The following ESYT2 variants were observed in gnomAD, a reference collection of about 807,000 sequenced individuals.
ESYT2 encodes extended synaptotagmin 2.
A neutral mutation model predicts 107.2 loss-of-function variants in ESYT2; 54 were observed. That is an observed-to-expected ratio of 0.50 (90% confidence interval 0.40 to 0.63). The LOEUF is 0.63. Ranked by LOEUF, ESYT2 falls within the 30% of genes least tolerant of loss-of-function variation. ESYT2 has a pLI of 0.00. For synonymous variants in ESYT2, 491 were observed against 434.1 expected (o/e 1.13, Z -1.63); for missense variants, 1,020 against 1,094.5 (o/e 0.93, Z 0.96).
At position 158,829,401 on chromosome 7, in the gene ESYT2, G is replaced by A; in HGVS notation, c.18C>T (p.Gly6=). The change falls in exon 1 of 23, where the codon GGC becomes GGT. Residue 6 remains glycine, a synonymous_variant. Transcript: ENST00000275418. ...CGCCGGCGCCCGCCTCCGGGCCCTC[G>A]CCCCGGGCGCCGCTCATCGCCCCGC... MSGAR[G]EGPEAGAGGA... is the part of the protein sequence containing the mutation. The A allele has an allele frequency of 2.5e-6, 3 of 1,202,880 alleles. No individual in the cohort carries two copies. The highest frequency in any genetic ancestry group is 3.1e-6 in the Non-Finnish European group (3 of 975,100). The allele number at this position is 1,202,880 out of a possible 1,614,324, so 74.5% of individuals were successfully genotyped here. A position where few individuals can be genotyped will look rare whatever the true frequency, so the allele number is the denominator to read the frequency against.
In ESYT2 at chr7:158,799,031, C is replaced by T; in HGVS notation, c.372G>A (p.Lys124=). The T allele has an allele frequency of 6.2e-7, 1 of 1,613,306 alleles. No homozygotes were observed. The highest frequency in any genetic ancestry group is 8.5e-7 in the Non-Finnish European group (1 of 1,179,380). ...PDTERAEWLN[K]TVKHMWPFIC... is the part of the protein sequence containing the mutation. Reference sequence around the variant, plus strand: ...GGTAGTTGGTATACTCTAATCTTACCTTATTTAGCCATTCTGCTCTTTCAG... The same window carrying T: ...GGTAGTTGGTATACTCTAATCTTACTTTATTTAGCCATTCTGCTCTTTCAG... Residue 124 remains lysine, a splice_region_variant and synonymous_variant, in exon 2 of 23, where the codon AAG becomes AAA. Coordinates refer to ENST00000275418, the MANE Select transcript of ESYT2 (RefSeq NM_001367773.1).
At chr7:158,814,458 C>T (rs1035515897) in intron 1 of ESYT2, among the ~76,000 whole-genome samples, 1 of 151,438 alleles carries the variant, frequency 6.6e-6, no homozygotes. Context: ...TAAAAATATA[C>T]ATTACTCGTC....
intron 1 of ESYT2, among the ~76,000 whole-genome samples, chr7:158,799,970 A>G (rs1412534046): frequency 1.3e-5 from 2 of 152,338 alleles, no homozygotes; most frequent in Admixed American, 6.5e-5. Context: ...CTATGCGTTT[A>G]TAAGCATGTA....
intron 12 of ESYT2, 85 bp downstream of exon 12, chr7:158,759,973 A>C: frequency 8.3e-7 from 1 of 1,206,624 alleles, no homozygotes; most frequent in Non-Finnish European, 1.2e-6. Flanking sequence ...TTAAAAAATC[A>C]AGTAGCAACA....
At chr7:158,798,575 G>T (rs1299401741) in intron 2 of ESYT2, among the ~76,000 whole-genome samples, 1 of 143,532 alleles carries the variant, frequency 7.0e-6, no homozygotes, top group East Asian at 2.1e-4. Context: ...GAACCCAAGA[G>T]GTGGAGGTTG....
chr7:158,743,516 G>GACGACACGAC lies in ESYT2; in HGVS notation c.1794+12_1794+13insGTCGTGTCGT. ...CCATCCCCTATGGTGTTCACTGCAGGACGACACGATACCCGCAGGGCAATC... is the reference window on the plus strand; with the variant it reads ...CCATCCCCTATGGTGTTCACTGCAGGACGACACGACACGACACGATACCCGCAGGGCAATC... On this transcript the variant is annotated intron_variant, in intron 17 of 22. Transcript: ENST00000275418. The GACGACACGAC allele has an allele frequency of 6.2e-7, 1 of 1,606,246 alleles. No homozygotes were observed. The highest frequency in any genetic ancestry group is 8.5e-7 in the Non-Finnish European group (1 of 1,177,458).
At chr7:158,815,953 CAG>C (rs1284517266) in intron 1 of ESYT2, among the ~76,000 whole-genome samples, 1 of 152,124 alleles carries the variant, frequency 6.6e-6, no homozygotes, top group Middle Eastern at 3.2e-3. Flanking sequence ...CTCCAAGAAA[CAG>C]GGTAGTGTGG....
At chr7:158,748,776 G>A (rs1837489488) in intron 15 of ESYT2, among the ~76,000 whole-genome samples, 1 of 151,306 alleles carries the variant, frequency 6.6e-6, no homozygotes, top group Admixed American at 6.6e-5. Context: ...CTGGAGTGCA[G>A]TGGCGCAATC....
In ESYT2 at chr7:158,788,378, T is replaced by C. The variant is rs775535138; in HGVS notation, c.624A>G (p.Arg208=). ...GNCEIDLEIK[R]YFCRAGVKSI... Reference sequence around the variant, plus strand: ...TTTTCACACCAGCTCTACAAAAATATCGTTTGATCTCCAAATCAATCTCAC... The same window carrying C: ...TTTTCACACCAGCTCTACAAAAATACCGTTTGATCTCCAAATCAATCTCAC... Residue 208 remains arginine, a synonymous_variant, in exon 5 of 23, where the codon CGA becomes CGG. Coordinates refer to ENST00000275418, the MANE Select transcript of ESYT2 (RefSeq NM_001367773.1). 1.2e-6 allele frequency: 2 copies of C among 1,611,584 alleles called. No homozygotes were observed. Among genetic ancestry groups the C allele is most frequent in the Admixed American group, 1.7e-5 (1 of 59,506 alleles).
chr7:158,743,852 C>T (rs1387676111), intron 16 of ESYT2, 174 bp from the exon 17 acceptor site: 3 of 610,388 alleles, frequency 4.9e-6, no homozygotes, highest in Non-Finnish European at 2.6e-6. Flanking sequence ...AGGCTCAGAT[C>T]ACCTGAGGCC....
chr7:158,785,510 GA>G (rs1839081305), intron 6 of ESYT2, among the ~76,000 whole-genome samples: 1 of 152,140 alleles, frequency 6.6e-6, no homozygotes, highest in South Asian at 2.1e-4. Context: ...ACATGTAGGA[GA>G]AATATTTAAT....
chr7:158,790,329 C>CT (rs986221806), intron 4 of ESYT2, among the ~76,000 whole-genome samples: 6 of 152,182 alleles, frequency 3.9e-5, no homozygotes, highest in Non-Finnish European at 7.3e-5. Context: ...GCACACAACT[C>CT]TGAGTTGCTA....
chr7:158,765,398 G>A (rs1261089534), intron 8 of ESYT2, among the ~76,000 whole-genome samples: 3 of 152,162 alleles, frequency 2.0e-5, no homozygotes, highest in Non-Finnish European at 4.4e-5. Context: ...TTTTAGAGAG[G>A]AGAAAACTGC....
chr7:158,754,050 G>A (rs1837671346), intron 13 of ESYT2, among the ~76,000 whole-genome samples: 1 of 152,184 alleles, frequency 6.6e-6, no homozygotes, highest in Non-Finnish European at 1.5e-5. Flanking sequence ...GTAGTGGACA[G>A]CTGTGTGGCT....
chr7:158,745,558 T>C (rs564577658), intron 16 of ESYT2, among the ~76,000 whole-genome samples: 4 of 152,018 alleles, frequency 2.6e-5, no homozygotes, highest in African/African-American at 9.7e-5. Flanking sequence ...AGCCTACAGG[T>C]GCACGTGGAG....
intron 6 of ESYT2, among the ~76,000 whole-genome samples, chr7:158,785,907 T>C (rs907722659): frequency 2.6e-5 from 4 of 152,080 alleles, no homozygotes; most frequent in African/African-American, 7.2e-5. Context: ...ATCATCCAAA[T>C]AGTAGAAAGA....
At chr7:158,793,902 C>A (rs1222198814) in intron 3 of ESYT2, among the ~76,000 whole-genome samples, 176 bp from the exon 4 acceptor site, 2 of 152,186 alleles carry the variant, frequency 1.3e-5, no homozygotes, top group Non-Finnish European at 2.9e-5. Flanking sequence ...ACCTGTTCCT[C>A]ACCTTCCTCC....
At chr7:158,805,664 C>G (rs1839804253) in intron 1 of ESYT2, among the ~76,000 whole-genome samples, 1 of 152,130 alleles carries the variant, frequency 6.6e-6, no homozygotes, top group South Asian at 2.1e-4. Flanking sequence ...AACTGGATAC[C>G]CTAATGCTTT....
At chr7:158,743,439 T>C (rs2305471) in intron 17 of ESYT2, 90 bp downstream of exon 17, 293,062 of 1,510,372 alleles carry the variant, frequency 0.19, 35,526 homozygotes, top group East Asian at 0.56. Flanking sequence ...AGAGCTTTCT[T>C]CACCGGCCTC....
Sources: allele counts gnomAD v4.1 joint callset (sites outside exome capture counted in the v4.1 genomes callset), GRCh38; gene constraint gnomAD v4.1.1; transcripts MANE v1.5; gene names NCBI Gene and HGNC (gene_info 2026-07-23, HGNC 2026-07-21).